The following HAAO variants were observed in gnomAD, a reference collection of about 807,000 sequenced individuals.
HAAO encodes the protein 3-hydroxyanthranilate oxygenase.
A neutral mutation model predicts 46.2 loss-of-function variants in HAAO; 49 were observed. The ratio of observed to expected loss-of-function variants is 1.06; its 90% confidence interval spans 0.84 to 1.34. The LOEUF (loss-of-function observed/expected upper bound fraction) is 1.34, where lower values mean the gene tolerates loss of function less well. Among genes scored for constraint, HAAO ranks in the 40% most tolerant of loss-of-function variants. The probability of loss-of-function intolerance (pLI) is 0.00; values close to 1 mark genes in which losing one functional copy is unlikely to be tolerated. For missense variants in HAAO, 408 were observed against 364.5 expected, an observed-to-expected ratio of 1.12 and a Z score of -0.97; for synonymous variants, 157 against 145.2, an observed-to-expected ratio of 1.08 and a Z score of -0.58.
chr2:42,767,399 T>C lies in HAAO; in HGVS notation c.*38A>G, dbSNP rs1486652798. 1.4e-6 allele frequency: 2 copies of C among 1,477,520 alleles called. No homozygotes were observed. Among genetic ancestry groups the C allele is most frequent in the African/African-American group, 1.4e-5 (1 of 72,260 alleles). The allele number at this position is 1,477,520 out of a possible 1,614,324, so 91.5% of individuals were successfully genotyped here. A position where few individuals can be genotyped will look rare whatever the true frequency, so the allele number is the denominator to read the frequency against. ...GGCAGGGATGGCACTCGAGGGTGCT[T>C]GGCACACCTGTGGCTGCTTCAGGCC... On this transcript the variant is annotated 3_prime_UTR_variant, in exon 10 of 10. Coordinates refer to ENST00000294973, the MANE Select transcript of HAAO (RefSeq NM_012205.3).
chr2:42,792,343 G>A (rs777651119), intron 1 of HAAO, 114 bp downstream of exon 1: 2 of 566,610 alleles, frequency 3.5e-6, no homozygotes, highest in Non-Finnish European at 6.3e-6. Context: ...AGAGATTAAA[G>A]CGGTCCTTCT....
At chr2:42,786,935 C>T (rs1672431660) in intron 2 of HAAO, among the ~76,000 whole-genome samples, 1 of 152,136 alleles carries the variant, frequency 6.6e-6, no homozygotes, top group African/African-American at 2.4e-5. Context: ...CACAGCGCAT[C>T]CTGGAGTCTC....
Position 42,792,511 on chromosome 2 carries a change from G to T in HAAO, c.26C>A (p.Ala9Asp), listed in dbSNP as rs1479834512. 3.1e-6 allele frequency: 5 copies of T among 1,592,312 alleles called. No individual in the cohort carries two copies. The highest frequency in any genetic ancestry group is 4.3e-6 in the Non-Finnish European group (5 of 1,170,060). ...GGAGCCCCGGTTCTCCTTCACCCAG[G>T]CCCTCACTCCCAGGCGGCGCTCCAT... MERRLGVR[A>D]WVKENRGSFQ... is the part of the protein sequence containing the mutation. The change falls in exon 1 of 10, where the codon GCC becomes GAC. Residue 9 changes from alanine (A) to aspartate (D), a missense_variant. Physicochemically the swap from Ala to Asp is moderately radical, Grantham distance 126. Coordinates refer to ENST00000294973, the MANE Select transcript of HAAO (RefSeq NM_012205.3).
intron 4 of HAAO, among the ~76,000 whole-genome samples, chr2:42,772,299 G>A (rs552732929): frequency 1.3e-5 from 2 of 152,198 alleles, no homozygotes; most frequent in South Asian, 2.1e-4. Context: ...TGGCCAACAT[G>A]GTGAAACCTC....
Position 42,767,604 on chromosome 2 carries a change from G to A in HAAO, c.773C>T (p.Ala258Val). ...LAPDDSLLVL[A>V]GTSYAWERTQ... ...CTCCCTGCGTACTCACGAGGTCCCA[G>A]CTAGCACCAGGAGGCTGTCATCAGG... Residue 258 changes from alanine to valine, a missense_variant, in exon 9 of 10, where the codon GCT becomes GTT. Transcript: ENST00000294973. The A allele has an allele frequency of 6.3e-7, 1 of 1,575,164 alleles. No homozygotes were observed. The highest frequency in any genetic ancestry group is 8.6e-7 in the Non-Finnish European group (1 of 1,159,686).
At chr2:42,782,288 C>G (rs1033366226) in intron 4 of HAAO, among the ~76,000 whole-genome samples, 7 of 152,128 alleles carry the variant, frequency 4.6e-5, no homozygotes, top group Non-Finnish European at 7.4e-5. Context: ...TCATACTTGC[C>G]TACTGATGTG....
chr2:42,791,262 A>T (rs139701042), intron 1 of HAAO, among the ~76,000 whole-genome samples: 1 of 152,336 alleles, frequency 6.6e-6, no homozygotes, highest in Non-Finnish European at 1.5e-5. Flanking sequence ...GGCGTGGTAC[A>T]GCAGAAGCAA....
intron 1 of HAAO, 113 bp from the exon 2 acceptor site, chr2:42,788,720 C>T (rs1216536566): frequency 2.7e-6 from 2 of 741,072 alleles, no homozygotes; most frequent in Admixed American, 3.9e-5. Flanking sequence ...AGGAGCAGGG[C>T]TGTTTTGGCC....
At chr2:42,792,069 C>T (rs925118974) in intron 1 of HAAO, among the ~76,000 whole-genome samples, 3 of 152,150 alleles carry the variant, frequency 2.0e-5, no homozygotes, top group South Asian at 2.1e-4. Context: ...GATTTGGCTG[C>T]CCCCAGGCCT....
intron 2 of HAAO, among the ~76,000 whole-genome samples, chr2:42,788,054 C>T (rs79916082): frequency 0.016 from 2,364 of 152,242 alleles, 63 homozygotes; most frequent in African/African-American, 0.055. Context: ...TACCCCTCAG[C>T]CACTAGCTCC....
chr2:42,783,817 C>T lies in HAAO; in HGVS notation c.210G>A (p.Gly70=). ...GCCGAATGACCACATCCCGGTGTTT[C>T]CCTTGCTCCAGGACTCGGAGAACCA... ...GDMVLRVLEQ[G]KHRDVVIRQG... The change falls in exon 3 of 10, where the codon GGG becomes GGA. Residue 70 remains glycine (G), a synonymous_variant. Coordinates refer to ENST00000294973, the MANE Select transcript of HAAO (RefSeq NM_012205.3). 6.2e-7 allele frequency: 1 copy of T among 1,613,020 alleles called. No homozygotes were observed.
chr2:42,768,381 G>A (rs1476984410), intron 7 of HAAO, among the ~76,000 whole-genome samples: 1 of 152,168 alleles, frequency 6.6e-6, no homozygotes, highest in African/African-American at 2.4e-5. Context: ...TACTGTGCAG[G>A]GCCGTGCTGC....
At chr2:42,782,326 C>T (rs191467497) in intron 4 of HAAO, among the ~76,000 whole-genome samples, 3 of 152,230 alleles carry the variant, frequency 2.0e-5, no homozygotes, top group Admixed American at 1.3e-4. Flanking sequence ...TGGTCTATAT[C>T]GATTTTCCAG....
intron 5 of HAAO, 137 bp downstream of exon 5, chr2:42,770,355 TC>T (rs947903434): frequency 1.4e-5 from 12 of 868,540 alleles, no homozygotes; most frequent in Middle Eastern, 2.8e-4. Flanking sequence ...GGGCTGCTGC[TC>T]CCCCCTCCCC....
chr2:42,776,363 C>T (rs758042342), intron 4 of HAAO, among the ~76,000 whole-genome samples: 2 of 151,270 alleles, frequency 1.3e-5, no homozygotes, highest in Non-Finnish European at 2.9e-5. Flanking sequence ...CTCAGCTTCC[C>T]TAGTAGCTGA....
chr2:42,792,026 G>A (rs1019804835), intron 1 of HAAO, among the ~76,000 whole-genome samples: 1 of 152,092 alleles, frequency 6.6e-6, no homozygotes, highest in Middle Eastern at 3.2e-3. Context: ...CTCCCCCTTT[G>A]CCTGTGGCTT....
intron 4 of HAAO, among the ~76,000 whole-genome samples, chr2:42,779,713 A>G (rs1436155876): frequency 1.3e-5 from 2 of 152,240 alleles, no homozygotes; most frequent in Non-Finnish European, 2.9e-5. Flanking sequence ...TTGAGTTATT[A>G]CTTTGGTTAA....
In HAAO at chr2:42,767,452, C is replaced by T. The variant is rs759665654; in HGVS notation, c.846G>A (p.Lys282=). The T allele has an allele frequency of 1.2e-6, 2 of 1,612,922 alleles. No individual in the cohort carries two copies. The highest frequency in any genetic ancestry group is 1.7e-6 in the Non-Finnish European group (2 of 1,179,486). ...GGCAAGAGGGTCACCCCAGGGGCTT[C>T]TTGCAGGCAGGGTCCTGGGTCACAG... ...ALSVTQDPAC[K]KPLG is the part of the protein sequence containing the mutation. The change falls in exon 10 of 10, where the codon AAG becomes AAA. Residue 282 remains lysine, a synonymous_variant. Transcript: ENST00000294973.
intron 2 of HAAO, among the ~76,000 whole-genome samples, chr2:42,787,355 C>T (rs1427177885): frequency 6.6e-6 from 1 of 152,176 alleles, no homozygotes; most frequent in African/African-American, 2.4e-5. Flanking sequence ...AGGCAGAAGC[C>T]TCTGGAAGAC....
Sources: gnomAD v4.1 joint callset for allele counts (sites outside exome capture counted in the v4.1 genomes callset) on GRCh38, gnomAD v4.1.1 for gene constraint, MANE v1.5 for transcripts, NCBI Gene and HGNC (gene_info 2026-07-23, HGNC 2026-07-21) for gene names.